CNTNAP5: variants seen among roughly 807,000 people sequenced by gnomAD.
CNTNAP5 encodes contactin associated protein family member 5, also known as contactin-associated protein-like 5.
In CNTNAP5, 72 loss-of-function variants were observed where a neutral mutation model predicts 150.2. The ratio of observed to expected loss-of-function variants is 0.48; its 90% CI spans 0.40 to 0.58. CNTNAP5 has a LOEUF of 0.58. CNTNAP5 is among the 20% of genes least tolerant of loss of function. The probability of loss-of-function intolerance (pLI) is 0.00; values close to 1 mark genes in which losing one functional copy is unlikely to be tolerated. For synonymous variants in CNTNAP5, 672 were observed against 619.8 expected (o/e 1.08, Z -1.25); for missense variants, 1,636 against 1,626.2 (o/e 1.01, Z -0.10).
At chr2:124,647,676 A>G in intron 12 of CNTNAP5, 82 bp from the exon 13 acceptor site, 3 of 1,267,866 alleles carry the variant, frequency 2.4e-6, no homozygotes, top group Non-Finnish European at 3.3e-6. Flanking sequence ...TTGCACGCTG[A>G]GTGGCCCATC....
chr2:124,572,956 C>A (rs1696200609), intron 11 of CNTNAP5, among the ~76,000 whole-genome samples: 1 of 152,250 alleles, frequency 6.6e-6, no homozygotes, highest in South Asian at 2.1e-4. Context: ...TCTTGTTTTT[C>A]CTTGCAAACT....
intron 10 of CNTNAP5, among the ~76,000 whole-genome samples, chr2:124,530,025 A>G (rs1049668354): frequency 3.9e-5 from 6 of 152,176 alleles, no homozygotes. Flanking sequence ...CTAAAGTAGA[A>G]TTCTGGCCGG....
chr2:124,645,069 C>T (rs1264043805), intron 12 of CNTNAP5, among the ~76,000 whole-genome samples: 1 of 152,136 alleles, frequency 6.6e-6, no homozygotes. Context: ...CATTTCAAAA[C>T]TGTCCATCTT....
At chr2:124,147,390 A>G (rs1684280978) in intron 1 of CNTNAP5, among the ~76,000 whole-genome samples, 1 of 152,234 alleles carries the variant, frequency 6.6e-6, no homozygotes, top group Non-Finnish European at 1.5e-5. Flanking sequence ...CTGCAGGGAA[A>G]CATGAATATT....
At chr2:124,793,515 C>T (rs57884888) in intron 18 of CNTNAP5, among the ~76,000 whole-genome samples, 1 of 152,040 alleles carries the variant, frequency 6.6e-6, no homozygotes, top group South Asian at 2.1e-4. Flanking sequence ...TTTTGAAACA[C>T]TAAATTTTAA....
chr2:124,602,455 T>C (rs772449976), intron 11 of CNTNAP5, among the ~76,000 whole-genome samples: 2 of 151,756 alleles, frequency 1.3e-5, no homozygotes, highest in Non-Finnish European at 2.9e-5. Flanking sequence ...GACTATCCCC[T>C]CCTCACTTGT....
intron 3 of CNTNAP5, among the ~76,000 whole-genome samples, chr2:124,263,730 A>G (rs1361158931): frequency 6.6e-6 from 1 of 152,162 alleles, no homozygotes; most frequent in Non-Finnish European, 1.5e-5. Flanking sequence ...GCCTATGCCT[A>G]TGTCCTGAAT....
At chr2:124,211,184 C>G (rs761844549) in intron 1 of CNTNAP5, among the ~76,000 whole-genome samples, 1 of 152,028 alleles carries the variant, frequency 6.6e-6, no homozygotes, top group Non-Finnish European at 1.5e-5. Context: ...TGCTAAAAAC[C>G]GTGTGGATGG....
intron 21 of CNTNAP5, among the ~76,000 whole-genome samples, chr2:124,886,777 C>T (rs1471214500): frequency 6.6e-6 from 1 of 151,942 alleles, no homozygotes; most frequent in Non-Finnish European, 1.5e-5. Context: ...ATTCCAAACT[C>T]CCCCTGCTTA....
At chr2:124,523,106 AC>A (rs1474015552) in intron 8 of CNTNAP5, among the ~76,000 whole-genome samples, 1 of 152,014 alleles carries the variant, frequency 6.6e-6, no homozygotes, top group African/African-American at 2.4e-5. Flanking sequence ...TAATATCCAT[AC>A]CCTCTAATGA....
intron 13 of CNTNAP5, among the ~76,000 whole-genome samples, chr2:124,743,465 C>T (rs77105227): frequency 0.037 from 5,575 of 152,166 alleles, 363 homozygotes; most frequent in African/African-American, 0.13. Flanking sequence ...GGAAGATAGC[C>T]CCAGGAAGCA....
intron 21 of CNTNAP5, among the ~76,000 whole-genome samples, chr2:124,898,564 G>T (rs1024848423): frequency 3.3e-5 from 5 of 151,484 alleles, no homozygotes; most frequent in Non-Finnish European, 5.9e-5. Flanking sequence ...AGAAATAAAG[G>T]TGTTTGCAAA....
chr2:124,283,927 C>T (rs2104625991), intron 3 of CNTNAP5, among the ~76,000 whole-genome samples: 1 of 152,318 alleles, frequency 6.6e-6, no homozygotes, highest in South Asian at 2.1e-4. Context: ...AGTGTTACTG[C>T]ATTGTTGATT....
intron 13 of CNTNAP5, among the ~76,000 whole-genome samples, chr2:124,711,644 G>A (rs926094622): frequency 2.7e-5 from 4 of 146,400 alleles, no homozygotes; most frequent in African/African-American, 7.3e-5. Flanking sequence ...TGGCTAACAC[G>A]GTGAAACCCC....
chr2:124,621,477 A>G (rs1273942780), intron 12 of CNTNAP5, among the ~76,000 whole-genome samples: 2 of 152,078 alleles, frequency 1.3e-5, no homozygotes, highest in East Asian at 1.9e-4. Flanking sequence ...TCTGTTTCTC[A>G]CTCCTTTGGC....
At chr2:124,606,890 G>A (rs1286179911) in intron 11 of CNTNAP5, among the ~76,000 whole-genome samples, 1 of 152,084 alleles carries the variant, frequency 6.6e-6, no homozygotes, top group Non-Finnish European at 1.5e-5. Context: ...AATTCAAGAC[G>A]AGATTTGGAT....
intron 11 of CNTNAP5, among the ~76,000 whole-genome samples, chr2:124,567,850 T>TAGATAGATAG (rs1696061079): frequency 8.6e-6 from 1 of 116,832 alleles, no homozygotes; most frequent in South Asian, 3.2e-4. Flanking sequence ...GATAGATAGA[T>TAGATAGATAG]AGATAGATAG....
At chr2:124,678,149 C>T (rs781427440) in intron 13 of CNTNAP5, among the ~76,000 whole-genome samples, 8 of 151,790 alleles carry the variant, frequency 5.3e-5, no homozygotes, top group Admixed American at 1.3e-4. Flanking sequence ...GGTGCACATG[C>T]CTGGGGTCCA....
intron 22 of CNTNAP5, among the ~76,000 whole-genome samples, chr2:124,904,490 A>G (rs936630627): frequency 3.3e-5 from 5 of 152,198 alleles, no homozygotes; most frequent in African/African-American, 1.2e-4. Flanking sequence ...GCAAAGCTGT[A>G]GTAATAAAAA....
Sources: gnomAD v4.1 joint callset for allele counts (sites outside exome capture counted in the v4.1 genomes callset) on GRCh38, gnomAD v4.1.1 for gene constraint, MANE v1.5 for transcripts, NCBI Gene and HGNC (gene_info 2026-07-23, HGNC 2026-07-21) for gene names.